The following HNRNPC variants were observed in gnomAD, a reference collection of about 807,000 sequenced individuals.
HNRNPC encodes heterogeneous nuclear ribonucleoprotein C, also known as heterogeneous nuclear ribonucleoproteins C1/C2.
HNRNPC carries 3 observed loss-of-function variants against 33.2 expected under a neutral mutation model. The observed-to-expected ratio is 0.09, with a 90% CI of 0.04 to 0.23. The LOEUF is 0.23. HNRNPC is among the 10% of genes least tolerant of loss of function. The probability of loss-of-function intolerance (pLI) is 1.00; values close to 1 mark genes in which losing one functional copy is unlikely to be tolerated. For synonymous variants in HNRNPC, 121 were observed against 126.7 expected, an observed-to-expected ratio of 0.96 and a Z score of 0.30; for missense variants, 143 against 366.7, an observed-to-expected ratio of 0.39 and a Z score of 4.98.
intron 2 of HNRNPC, among the ~76,000 whole-genome samples, chr14:21,257,550 T>C (rs1199824782): frequency 2.0e-5 from 3 of 151,778 alleles, no homozygotes; most frequent in Non-Finnish European, 4.4e-5. Flanking sequence ...ACTTCGGTTT[T>C]ATAAGTCTTA....
At chr14:21,230,250 C>T (rs917574924) in intron 5 of HNRNPC, 69 bp downstream of exon 5, 19 of 1,155,512 alleles carry the variant, frequency 1.6e-5, no homozygotes, top group Non-Finnish European at 2.4e-5. Flanking sequence ...TTCATCACCA[C>T]AAACCAGAAG....
chr14:21,234,250 T>A (rs1894420737), intron 2 of HNRNPC, 21 bp from the exon 3 acceptor site: 5 of 1,545,702 alleles, frequency 3.2e-6, no homozygotes, highest in Non-Finnish European at 4.4e-6. Context: ...AAAAAAAGTA[T>A]ACAGGTGAAC....
intron 5 of HNRNPC, among the ~76,000 whole-genome samples, chr14:21,214,722 T>G (rs560880402): frequency 1.3e-5 from 2 of 152,346 alleles, no homozygotes; most frequent in South Asian, 2.1e-4. Context: ...ACATAAAGCT[T>G]TTGGTCTTTT....
At chr14:21,231,688 A>G (rs1483511367) in intron 3 of HNRNPC, among the ~76,000 whole-genome samples, 1 of 152,250 alleles carries the variant, frequency 6.6e-6, no homozygotes, top group East Asian at 1.9e-4. Flanking sequence ...GTTCTTTACC[A>G]TTCAAGTGTT....
intron 5 of HNRNPC, among the ~76,000 whole-genome samples, chr14:21,220,525 G>A (rs569385568): frequency 3.3e-5 from 5 of 152,050 alleles, no homozygotes; most frequent in South Asian, 2.1e-4. Flanking sequence ...CACCACTCTC[G>A]GCCTCTATTT....
intron 5 of HNRNPC, among the ~76,000 whole-genome samples, chr14:21,230,082 G>T (rs1445729869): frequency 2.6e-5 from 4 of 152,000 alleles, no homozygotes; most frequent in East Asian, 1.9e-4. Context: ...GAATTTTTTT[G>T]TATTTTTAGT....
chr14:21,237,085 T>C (rs185424920), intron 2 of HNRNPC, among the ~76,000 whole-genome samples: 22 of 152,304 alleles, frequency 1.4e-4, no homozygotes, highest in Admixed American at 4.6e-4. Context: ...CCTGCTCCAA[T>C]AGTGGGTGAG....
At chr14:21,228,819 T>A (rs1893766899) in intron 5 of HNRNPC, among the ~76,000 whole-genome samples, 1 of 151,898 alleles carries the variant, frequency 6.6e-6, no homozygotes, top group African/African-American at 2.4e-5. Flanking sequence ...ACACAGTGGC[T>A]CACACCTGTA....
At chr14:21,245,084 CAAAAAAAAAAAAA>C (rs71112560) in intron 2 of HNRNPC, among the ~76,000 whole-genome samples, 2 of 54,630 alleles carry the variant, frequency 3.7e-5, no homozygotes, top group African/African-American at 6.4e-5. Context: ...GACTCCATCT[CAAAAAAAAAAAAA>C]AAAAAAAAAG....
intron 5 of HNRNPC, among the ~76,000 whole-genome samples, chr14:21,226,342 A>T (rs540842821): frequency 6.6e-6 from 1 of 150,612 alleles, no homozygotes; most frequent in Admixed American, 6.6e-5. Context: ...AAAAAAAAAA[A>T]AAAGAAAGAA....
intron 4 of HNRNPC, chr14:21,230,748 T>C (rs1894023065): frequency 3.8e-6 from 2 of 519,734 alleles, no homozygotes; most frequent in African/African-American, 1.9e-5. Context: ...CAAACTACTC[T>C]TTAATATCAA....
At chr14:21,239,336 G>A (rs562874130) in intron 2 of HNRNPC, among the ~76,000 whole-genome samples, 17 of 150,656 alleles carry the variant, frequency 1.1e-4, no homozygotes, top group Non-Finnish European at 2.1e-4. Flanking sequence ...AATAATTAGC[G>A]GGGTATGGTG....
chr14:21,252,438 G>T (rs1288547347), intron 2 of HNRNPC, among the ~76,000 whole-genome samples: 1 of 152,128 alleles, frequency 6.6e-6, no homozygotes, highest in African/African-American at 2.4e-5. Context: ...AGACTTCCAA[G>T]TAGCTGGGAT....
chr14:21,231,442 G>GGTCT (rs1894103881), intron 3 of HNRNPC: 22 of 457,012 alleles, frequency 4.8e-5, no homozygotes, highest in South Asian at 3.3e-4. Flanking sequence ...ATACAGCCTA[G>GGTCT]ACCTCCGAAG....
chr14:21,256,203 T>C (rs1006827674), intron 2 of HNRNPC, among the ~76,000 whole-genome samples: 6 of 152,150 alleles, frequency 3.9e-5, no homozygotes, highest in Admixed American at 2.0e-4. Context: ...TCCCAGCACT[T>C]TGGGGAGGCA....
intron 5 of HNRNPC, among the ~76,000 whole-genome samples, chr14:21,229,085 T>TAAAA (rs56112804): frequency 9.3e-6 from 1 of 107,868 alleles, no homozygotes; most frequent in African/African-American, 3.5e-5. Context: ...ATTCCGTATT[T>TAAAA]AAAAAAAAAA....
At chr14:21,228,493 G>C (rs1336335904) in intron 5 of HNRNPC, among the ~76,000 whole-genome samples, 3 of 152,096 alleles carry the variant, frequency 2.0e-5, no homozygotes, top group Non-Finnish European at 4.4e-5. Flanking sequence ...CCGGGATCAA[G>C]CAATTCTCCT....
chr14:21,214,319 T>C (rs1013929160), intron 5 of HNRNPC, among the ~76,000 whole-genome samples: 4 of 152,238 alleles, frequency 2.6e-5, no homozygotes, highest in Admixed American at 2.0e-4. Context: ...TATTCTGAGT[T>C]GTAATATCTC....
At chr14:21,216,573 G>GTGCC (rs1555350823) in intron 5 of HNRNPC, among the ~76,000 whole-genome samples, 3 of 152,092 alleles carry the variant, frequency 2.0e-5, no homozygotes, top group Admixed American at 1.3e-4. Context: ...TCCAGGTGTG[G>GTGCC]TGGCACATTC....
Sources: allele counts gnomAD v4.1 joint callset (sites outside exome capture counted in the v4.1 genomes callset), GRCh38; gene constraint gnomAD v4.1.1; transcripts MANE v1.5; gene names NCBI Gene and HGNC (gene_info 2026-07-23, HGNC 2026-07-21).